The following TBC1D4 variants were observed in gnomAD, a reference collection of about 807,000 sequenced individuals.
TBC1D4 encodes TBC (Tre-2, BUB2, CDC16) domain-containing protein.
A neutral mutation model predicts 142.5 loss-of-function variants in TBC1D4; 121 were observed. That is an observed-to-expected ratio of 0.85 (90% confidence interval 0.73 to 0.99). TBC1D4 has a LOEUF of 0.99. Among genes scored for constraint, TBC1D4 ranks in the 50% least tolerant of loss-of-function variants. TBC1D4 has a pLI of 0.00. For missense variants in TBC1D4, 1,475 were observed against 1,606.6 expected, an observed-to-expected ratio of 0.92 and a Z score of 1.40; for synonymous variants, 630 against 628.2, an observed-to-expected ratio of 1.00 and a Z score of -0.04.
chr13:75,385,766 A>G (rs1477136446), intron 1 of TBC1D4, among the ~76,000 whole-genome samples: 1 of 152,150 alleles, frequency 6.6e-6, no homozygotes, highest in Non-Finnish European at 1.5e-5. Flanking sequence ...AGGTAATTCT[A>G]TTATTATCCT....
chr13:75,326,237 G>A lies in TBC1D4; in HGVS notation c.1993C>T (p.Arg665Cys), dbSNP rs376333903. 3.9e-5 allele frequency: 63 copies of A among 1,614,136 alleles called. No individual in the cohort carries two copies. In the African/African-American group the frequency reaches 6.8e-4, roughly 17 times the overall value. ...GAGCTCTGCCTCAGCAGAGGGGAAC[G>A]CACACCCTGAGCCCTCCCATCCTGC... ...NLQDGRAQGV[R>C]SPLLRQSSSE... The change falls in exon 10 of 21, where the codon CGT becomes TGT. Residue 665 changes from arginine (R) to cysteine (C), a missense_variant. Physicochemically the swap from Arg to Cys is radical, Grantham distance 180. Coordinates refer to ENST00000377636, the MANE Select transcript of TBC1D4 (RefSeq NM_014832.5).
At chr13:75,465,761 A>G (rs567314310) in intron 1 of TBC1D4, among the ~76,000 whole-genome samples, 49 of 152,298 alleles carry the variant, frequency 3.2e-4, no homozygotes, top group Non-Finnish European at 5.9e-4. Flanking sequence ...GACAAGAAAC[A>G]TTTAAAATCT....
At chr13:75,396,415 T>C (rs1480165078) in intron 1 of TBC1D4, among the ~76,000 whole-genome samples, 5 of 152,220 alleles carry the variant, frequency 3.3e-5, no homozygotes, top group Non-Finnish European at 7.3e-5. Context: ...TCCTGAAAAG[T>C]TTTAAGTAAT....
chr13:75,403,953 T>A (rs193003018), intron 1 of TBC1D4, among the ~76,000 whole-genome samples: 171 of 152,174 alleles, frequency 1.1e-3, no homozygotes, highest in African/African-American at 3.8e-3. Flanking sequence ...GATTATGATA[T>A]AAAAGATTAT....
At chr13:75,394,857 A>G (rs993571060) in intron 1 of TBC1D4, among the ~76,000 whole-genome samples, 2 of 152,350 alleles carry the variant, frequency 1.3e-5, no homozygotes, top group African/African-American at 4.8e-5. Context: ...AACAGACTGT[A>G]GCCAATTAAT....
chr13:75,298,939 A>G (rs1876233571), intron 17 of TBC1D4, among the ~76,000 whole-genome samples: 1 of 152,214 alleles, frequency 6.6e-6, no homozygotes, highest in Admixed American at 6.5e-5. Flanking sequence ...AGGGATAAAG[A>G]TACTTTCAGA....
chr13:75,462,769 G>A (rs1323381293), intron 1 of TBC1D4, among the ~76,000 whole-genome samples: 1 of 152,018 alleles, frequency 6.6e-6, no homozygotes, highest in Non-Finnish European at 1.5e-5. Flanking sequence ...TGGGGACCCT[G>A]TCTGGGCCTT....
chr13:75,377,670 A>T (rs1247169280), intron 1 of TBC1D4, among the ~76,000 whole-genome samples: 2 of 148,204 alleles, frequency 1.3e-5, no homozygotes, highest in African/African-American at 2.5e-5. Flanking sequence ...TATAATATAG[A>T]TAAATATTCT....
At chr13:75,431,851 A>T (rs1886603285) in intron 1 of TBC1D4, among the ~76,000 whole-genome samples, 1 of 152,212 alleles carries the variant, frequency 6.6e-6, no homozygotes, top group African/African-American at 2.4e-5. Context: ...ACTTGTGCAC[A>T]TAAAATTTTA....
chr13:75,348,954 AGTGTGTGTGT>A lies in TBC1D4; in HGVS notation c.1408+206_1408+215del, dbSNP rs55954112. ...GGAGAGAGAGTAGAGAGAGAGAGAGAGTGTGTGTGTGTGTGTGTGTGTGTGTGTGTGTGTG... is the reference window on the plus strand; with the variant it reads ...GGAGAGAGAGTAGAGAGAGAGAGAGAGTGTGTGTGTGTGTGTGTGTGTGTG... On this transcript the variant is annotated intron_variant, in intron 5 of 20. Coordinates refer to ENST00000377636, the MANE Select transcript of TBC1D4 (RefSeq NM_014832.5). Among the ~76,000 whole-genome samples, 343 of 139,162 alleles carry A rather than the reference AGTGTGTGTGT, an allele frequency of 2.5e-3. 3 individuals are homozygous for A. Among genetic ancestry groups the A allele is most frequent in the Non-Finnish European group, 1.7e-3 (111 of 64,654 alleles). 91.3% of individuals were successfully genotyped at this position (139,162 alleles called of 152,430 possible).
At chr13:75,395,676 C>CAA (rs1361373523) in intron 1 of TBC1D4, among the ~76,000 whole-genome samples, 1 of 151,860 alleles carries the variant, frequency 6.6e-6, no homozygotes, top group Non-Finnish European at 1.5e-5. Flanking sequence ...ACTAAAAATA[C>CAA]AAAATCAGCC....
intron 13 of TBC1D4, among the ~76,000 whole-genome samples, chr13:75,312,044 C>A (rs777035413): frequency 6.6e-6 from 1 of 152,128 alleles, no homozygotes; most frequent in African/African-American, 2.4e-5. Flanking sequence ...TATTTTCTAG[C>A]TCTCAAAGCT....
At chr13:75,298,538 G>A (rs1593876023) in intron 17 of TBC1D4, among the ~76,000 whole-genome samples, 1 of 152,106 alleles carries the variant, frequency 6.6e-6, no homozygotes, top group Admixed American at 6.5e-5. Context: ...ATCACCTGAG[G>A]TCAGGAGTTC....
At chr13:75,394,492 C>T (rs1332708836) in intron 1 of TBC1D4, among the ~76,000 whole-genome samples, 1 of 152,082 alleles carries the variant, frequency 6.6e-6, no homozygotes, top group Non-Finnish European at 1.5e-5. Context: ...TCAGATCTGC[C>T]AGATGTTTCA....
chr13:75,312,796 G>C lies in TBC1D4; in HGVS notation c.2325C>G (p.Arg775=), dbSNP rs2137942875. The C allele has an allele frequency of 1.2e-6, 2 of 1,614,220 alleles. No homozygotes were observed. The highest frequency in any genetic ancestry group is 1.7e-6 in the Non-Finnish European group (2 of 1,180,036). ...VTPRRISWRQ[R]IFLRVASPMN... ...TGGGAGAAGCAACCCTGAGGAAAAT[G>C]CGCTGCCGCCAGGAGATCCGGCGAG... The change falls in exon 13 of 21, where the codon CGC becomes CGG. Residue 775 remains arginine (R), a synonymous_variant. Coordinates refer to ENST00000377636, the MANE Select transcript of TBC1D4 (RefSeq NM_014832.5).
intron 1 of TBC1D4, among the ~76,000 whole-genome samples, chr13:75,469,979 G>T (rs1328996320): frequency 6.6e-6 from 1 of 152,164 alleles, no homozygotes; most frequent in African/African-American, 2.4e-5. Context: ...TAACAAATGT[G>T]GAAGCCGTCA....
chr13:75,354,052 C>T (rs991463159), intron 4 of TBC1D4, among the ~76,000 whole-genome samples: 1 of 152,152 alleles, frequency 6.6e-6, no homozygotes. Flanking sequence ...AGTAGCAAGC[C>T]AAACTAAAAG....
At chr13:75,324,110 A>C in intron 11 of TBC1D4, 127 bp downstream of exon 11, 4 of 1,097,784 alleles carry the variant, frequency 3.6e-6, no homozygotes, top group Non-Finnish European at 5.4e-6. Flanking sequence ...TATTAGAAAC[A>C]GATTAGAACA....
intron 1 of TBC1D4, among the ~76,000 whole-genome samples, chr13:75,409,476 T>C (rs925850065): frequency 3.9e-5 from 6 of 152,230 alleles, no homozygotes; most frequent in African/African-American, 1.4e-4. Context: ...AAACATTCCA[T>C]TCCTTCCCAA....
Sources: gnomAD v4.1 joint callset for allele counts (sites outside exome capture counted in the v4.1 genomes callset) on GRCh38, gnomAD v4.1.1 for gene constraint, MANE v1.5 for transcripts, NCBI Gene and HGNC (gene_info 2026-07-23, HGNC 2026-07-21) for gene names.